FRAS1: variants seen among roughly 807,000 people sequenced by gnomAD.
FRAS1 encodes Fraser extracellular matrix complex subunit 1.
FRAS1 carries 290 observed loss-of-function variants against 435.2 expected under a neutral mutation model. The observed-to-expected ratio is 0.67, with a 90% CI of 0.61 to 0.73. The LOEUF is 0.73. FRAS1 is among the 30% of genes least tolerant of loss of function. The pLI is 0.00. For missense variants in FRAS1, 4,860 were observed against 5,001.5 expected, an observed-to-expected ratio of 0.97 and a Z score of 0.85; for synonymous variants, 1,800 against 1,851.0, an observed-to-expected ratio of 0.97 and a Z score of 0.71.
At chr4:78,446,665 A>G in intron 42 of FRAS1, 62 bp from the exon 43 acceptor site, 1 of 1,561,222 alleles carries the variant, frequency 6.4e-7, no homozygotes, top group Admixed American at 2.1e-5. Context: ...GTCTCTGAAT[A>G]ATGTGCATTT....
At chr4:78,317,314 G>A in intron 16 of FRAS1, 54 bp from the exon 17 acceptor site, 1 of 1,604,752 alleles carries the variant, frequency 6.2e-7, no homozygotes, top group Non-Finnish European at 8.5e-7. Flanking sequence ...CCAGGAAGTG[G>A]GCACTTTATT....
chr4:78,154,411 T>G (rs1253356796), intron 2 of FRAS1, among the ~76,000 whole-genome samples: 1 of 152,174 alleles, frequency 6.6e-6, no homozygotes, highest in Non-Finnish European at 1.5e-5. Context: ...TTAAAACCCA[T>G]TTAAAATATT....
intron 28 of FRAS1, among the ~76,000 whole-genome samples, 155 bp downstream of exon 28, chr4:78,384,298 T>C (rs1306551859): frequency 1.3e-5 from 2 of 152,186 alleles, no homozygotes; most frequent in African/African-American, 4.8e-5. Flanking sequence ...TTTTAGGACT[T>C]CTGGGTAATA....
intron 2 of FRAS1, among the ~76,000 whole-genome samples, chr4:78,197,896 G>C (rs1322128435): frequency 2.0e-5 from 3 of 151,090 alleles, no homozygotes; most frequent in African/African-American, 7.3e-5. Context: ...AGCCGAGATT[G>C]AGCCACTGCA....
intron 27 of FRAS1, among the ~76,000 whole-genome samples, chr4:78,380,372 T>A (rs1032840669): frequency 6.6e-6 from 1 of 152,104 alleles, no homozygotes; most frequent in Non-Finnish European, 1.5e-5. Flanking sequence ...TGGAGCACAT[T>A]CTTTTCAAGG....
At chr4:78,486,947 A>G (rs1720189648) in intron 58 of FRAS1, among the ~76,000 whole-genome samples, 1 of 151,720 alleles carries the variant, frequency 6.6e-6, no homozygotes, top group African/African-American at 2.4e-5. Context: ...TTAATGCATG[A>G]CCAAACCTAA....
chr4:78,069,055 G>A (rs1428533229), intron 2 of FRAS1, among the ~76,000 whole-genome samples: 2 of 152,170 alleles, frequency 1.3e-5, no homozygotes, highest in African/African-American at 4.8e-5. Context: ...GGTGACAAAG[G>A]CTTCTAGTGT....
chr4:78,532,629 T>C (rs1402682192), intron 70 of FRAS1, among the ~76,000 whole-genome samples: 1 of 152,186 alleles, frequency 6.6e-6, no homozygotes, highest in African/African-American at 2.4e-5. Flanking sequence ...TCCTCGTCGC[T>C]CCTGGTAACC....
intron 15 of FRAS1, among the ~76,000 whole-genome samples, chr4:78,310,020 G>T (rs1470237595): frequency 2.0e-5 from 3 of 152,188 alleles, no homozygotes; most frequent in African/African-American, 7.2e-5. Context: ...GCTAGCCCTT[G>T]GGAGCTGCTT....
chr4:78,091,964 T>C (rs536724503), intron 2 of FRAS1, among the ~76,000 whole-genome samples: 1 of 106,034 alleles, frequency 9.4e-6, no homozygotes, highest in Non-Finnish European at 1.8e-5. Flanking sequence ...CTGGGAAACA[T>C]AGTGAGACTG....
In FRAS1 at chr4:78,521,534, G is replaced by T; in HGVS notation, c.10552G>T (p.Asp3518Tyr). The change falls in exon 68 of 74, where the codon GAC (aspartate) becomes TAC (tyrosine). Residue 3518 changes from aspartate (D) to tyrosine (Y), a missense_variant. Asp to Tyr is a radical substitution (Grantham distance 160). Transcript: ENST00000512123. ...TVLWRTGIQTDSVLSARLQII... is the reference protein window; with the variant it reads ...TVLWRTGIQTYSVLSARLQII... ...GCTTTCCTGCCCAGGAATCCAGACAGACAGCGTGCTCTCTGCAAGGCTTCA... is the reference window on the plus strand; with the variant it reads ...GCTTTCCTGCCCAGGAATCCAGACATACAGCGTGCTCTCTGCAAGGCTTCA... The T allele has an allele frequency of 6.2e-7, 1 of 1,608,952 alleles. No individual in the cohort carries two copies. Among genetic ancestry groups the T allele is most frequent in the East Asian group, 2.2e-5 (1 of 44,702 alleles).
At chr4:78,446,924 C>G in intron 43 of FRAS1, 44 bp downstream of exon 43, 1 of 1,545,820 alleles carries the variant, frequency 6.5e-7, no homozygotes, top group African/African-American at 1.4e-5. Context: ...TTGAGATGCC[C>G]GATGGGCTGT....
intron 2 of FRAS1, among the ~76,000 whole-genome samples, chr4:78,196,278 G>A (rs1383225505): frequency 6.6e-6 from 1 of 152,076 alleles, no homozygotes; most frequent in Non-Finnish European, 1.5e-5. Context: ...AAGTGCTGGG[G>A]TTACAGGTGT....
At chr4:78,091,232 A>G (rs1194385452) in intron 2 of FRAS1, among the ~76,000 whole-genome samples, 1 of 151,746 alleles carries the variant, frequency 6.6e-6, no homozygotes, top group Non-Finnish European at 1.5e-5. Flanking sequence ...GCTTTTATAT[A>G]TTTAGGAATC....
At chr4:78,482,939 T>C (rs1347640786) in intron 58 of FRAS1, among the ~76,000 whole-genome samples, 1 of 152,238 alleles carries the variant, frequency 6.6e-6, no homozygotes, top group African/African-American at 2.4e-5. Context: ...AAGGAGATTA[T>C]ATTTAAGCAG....
intron 22 of FRAS1, among the ~76,000 whole-genome samples, chr4:78,364,858 T>C (rs1042474304): frequency 3.9e-5 from 6 of 152,366 alleles, no homozygotes; most frequent in Non-Finnish European, 5.9e-5. Context: ...GGTACCATGC[T>C]GAAGGAATTG....
intron 59 of FRAS1, among the ~76,000 whole-genome samples, chr4:78,491,522 C>T (rs991952154): frequency 6.6e-6 from 1 of 152,182 alleles, no homozygotes; most frequent in African/African-American, 2.4e-5. Context: ...TAAACATAAT[C>T]CATCACATAA....
rs757366010 is a variant in FRAS1 at position 78,278,725 on chromosome 4, A to C, written c.1052A>C (p.Tyr351Ser). The stretch of plus-strand genomic sequence containing the variant: ...ATTTCAAGGAATGGTTATTGTGTTT[A>C]TGAAGAAACTGGAGAATTTGTGAGT... ...ECISRNGYCV[Y>S]EETGEFMSSN... Residue 351 changes from tyrosine (Y) to serine (S), a missense_variant, in exon 10 of 74, where the codon TAT becomes TCT. By Grantham distance (144) the Tyr-to-Ser change is moderately radical. Transcript: ENST00000512123. 6.3e-7 allele frequency: 1 copy of C among 1,597,262 alleles called. No homozygotes were observed. The highest frequency in any genetic ancestry group is 1.1e-5 in the South Asian group (1 of 89,824).
At chr4:78,070,742 G>A (rs997404972) in intron 2 of FRAS1, 3 of 152,138 alleles carry the variant, frequency 2.0e-5, no homozygotes, top group Non-Finnish European at 4.4e-5. Flanking sequence ...ACTATATCAA[G>A]TATTGAAAAA....
Sources: gnomAD v4.1 joint callset for allele counts (sites outside exome capture counted in the v4.1 genomes callset) on GRCh38, gnomAD v4.1.1 for gene constraint, MANE v1.5 for transcripts, NCBI Gene and HGNC (gene_info 2026-07-23, HGNC 2026-07-21) for gene names.